Variants in HECW2 observed in about 807,000 individuals in gnomAD.
The protein encoded by HECW2 is HECT, C2 and WW domain containing E3 ubiquitin protein ligase 2, also known as E3 ubiquitin-protein ligase HECW2.
In HECW2, 61 loss-of-function variants were observed where a neutral mutation model predicts 175.2. That is an observed-to-expected ratio of 0.35 (90% CI 0.28 to 0.43). The LOEUF (loss-of-function observed/expected upper bound fraction) is 0.43, where lower values mean the gene tolerates loss of function less well. HECW2 is among the 20% of genes least tolerant of loss of function. The pLI, the probability that HECW2 is intolerant of heterozygous loss-of-function variation, is 1.00. For synonymous variants in HECW2, 671 were observed against 731.0 expected (o/e 0.92, Z 1.32); for missense variants, 1,524 against 2,000.5 (o/e 0.76, Z 4.54).
chr2:196,278,984 T>C (rs60566023), intron 14 of HECW2, among the ~76,000 whole-genome samples: 1,912 of 152,280 alleles, frequency 0.013, 38 homozygotes, highest in African/African-American at 0.043. Context: ...TCTTAACTGA[T>C]GGTCTTTGAG....
At chr2:196,492,903 T>G (rs1250640788) in intron 1 of HECW2, among the ~76,000 whole-genome samples, 1 of 152,200 alleles carries the variant, frequency 6.6e-6, no homozygotes, top group Non-Finnish European at 1.5e-5. Context: ...TTTTCAAGTT[T>G]GTGATGTTAG....
At chr2:196,207,071 C>T (rs1010188959) in intron 28 of HECW2, among the ~76,000 whole-genome samples, 11 of 152,116 alleles carry the variant, frequency 7.2e-5, no homozygotes, top group African/African-American at 1.7e-4. Context: ...GAGGGGCAAG[C>T]GCCTAAGGGA....
In HECW2 at chr2:196,215,919, T is replaced by C; in HGVS notation, c.4553A>G (p.Asn1518Ser). ...YEGFASLRGS[N>S]GPRRFCVEKW... ...CTCCACACAGAATCTTCTTGGGCCG[T>C]TACTCCCTCGGAGTGAAGCAAATCC... The change falls in exon 28 of 29, where the codon AAC becomes AGC. Residue 1518 changes from asparagine to serine, a missense_variant. By Grantham distance (46) the Asn-to-Ser change is conservative. Transcript: ENST00000644978. 1 of 1,614,072 alleles carries C rather than the reference T, an allele frequency of 6.2e-7. No homozygotes were observed. Among genetic ancestry groups the C allele is most frequent in the East Asian group, 2.2e-5 (1 of 44,876 alleles).
chr2:196,295,379 TG>T (rs1690771088), intron 13 of HECW2, among the ~76,000 whole-genome samples: 1 of 152,240 alleles, frequency 6.6e-6, no homozygotes, highest in South Asian at 2.1e-4. Flanking sequence ...GCAAGGCAAC[TG>T]TTTTCTGCAT....
chr2:196,468,238 G>T (rs372759452), intron 1 of HECW2, among the ~76,000 whole-genome samples: 1 of 152,104 alleles, frequency 6.6e-6, no homozygotes, highest in Non-Finnish European at 1.5e-5. Flanking sequence ...CAAGTGATCC[G>T]CCCGCCTTGG....
intron 1 of HECW2, among the ~76,000 whole-genome samples, chr2:196,499,726 A>AT (rs997448724): frequency 6.6e-6 from 1 of 152,186 alleles, no homozygotes; most frequent in African/African-American, 2.4e-5. Flanking sequence ...AAACGCATGC[A>AT]TTTTTTAAAA....
intron 2 of HECW2, among the ~76,000 whole-genome samples, chr2:196,351,070 T>C (rs1693153245): frequency 6.6e-6 from 1 of 152,192 alleles, no homozygotes; most frequent in Non-Finnish European, 1.5e-5. Flanking sequence ...GAGGTCAATG[T>C]TACCATTTTT....
chr2:196,296,855 C>T (rs919112658), intron 13 of HECW2, among the ~76,000 whole-genome samples: 2 of 152,220 alleles, frequency 1.3e-5, no homozygotes, highest in Admixed American at 6.5e-5. Context: ...AGAGTTTAGT[C>T]TTCATGAAGC....
At chr2:196,221,351 C>T (rs1240436158) in intron 24 of HECW2, among the ~76,000 whole-genome samples, 2 of 152,030 alleles carry the variant, frequency 1.3e-5, no homozygotes, top group African/African-American at 4.8e-5. Context: ...AGAACTTTTT[C>T]AAAACACATG....
chr2:196,345,053 A>G (rs16850011), intron 2 of HECW2, among the ~76,000 whole-genome samples: 10,862 of 152,270 alleles, frequency 0.071, 555 homozygotes, highest in African/African-American at 0.14. Context: ...TGAGCACATT[A>G]TAAGTCAAAG....
intron 1 of HECW2, among the ~76,000 whole-genome samples, chr2:196,449,974 T>C (rs372966408): frequency 3.3e-5 from 5 of 152,348 alleles, no homozygotes; most frequent in African/African-American, 1.2e-4. Flanking sequence ...CCTCTTCTTA[T>C]ATGCATTTTC....
At position 196,422,205 on chromosome 2, in the gene HECW2, A is replaced by G. The variant is rs550834761; in HGVS notation, c.292+10927T>C. On this transcript the variant is annotated intron_variant, in intron 2 of 28. Transcript: ENST00000644978. Reference sequence around the variant, plus strand: ...CCATACAAGGATGCCTTAAGCTTTGAAACAGACTGGAGGACCAGACACATT... The same window carrying G: ...CCATACAAGGATGCCTTAAGCTTTGGAACAGACTGGAGGACCAGACACATT... Among the ~76,000 whole-genome samples, 10 of 152,252 alleles carry G rather than the reference A, an allele frequency of 6.6e-5. 1 individual carries two copies. The South Asian group carries it at 2.1e-3, about 32-fold the overall frequency.
intron 1 of HECW2, among the ~76,000 whole-genome samples, chr2:196,476,176 G>A (rs200919126): frequency 6.6e-6 from 1 of 152,014 alleles, no homozygotes; most frequent in Non-Finnish European, 1.5e-5. Flanking sequence ...GGGAGCAGTG[G>A]CTCATGCCTG....
rs554618599 is a variant in HECW2, at chr2:196,420,633, T to C, written c.292+12499A>G. ...AGGATTTGAAGTTAAATTGTAAACT[T>C]CACCTGTGTGCTTCCATTTATTTTA... On this transcript the variant is annotated intron_variant, in intron 2 of 28. Transcript: ENST00000644978. Among the ~76,000 whole-genome samples the C allele has an allele frequency of 1.8e-4, 28 of 152,352 alleles. 1 individual carries two copies. In the South Asian group the frequency reaches 5.6e-3, roughly 30 times the overall value.
At chr2:196,400,143 T>A (rs563974068) in intron 2 of HECW2, among the ~76,000 whole-genome samples, 50 of 152,318 alleles carry the variant, frequency 3.3e-4, no homozygotes, top group African/African-American at 1.1e-3. Flanking sequence ...AAGAATCAAA[T>A]CTCAAATTTT....
At chr2:196,360,698 GA>G (rs1212675614) in intron 2 of HECW2, among the ~76,000 whole-genome samples, 1 of 151,200 alleles carries the variant, frequency 6.6e-6, no homozygotes, top group Non-Finnish European at 1.5e-5. Context: ...CCTAAAATAG[GA>G]AAAAAAACAG....
At chr2:196,290,913 A>G (rs1690579631) in intron 14 of HECW2, 1 of 152,128 alleles carries the variant, frequency 6.6e-6, no homozygotes, top group African/African-American at 2.4e-5. Flanking sequence ...CATCTCTCCT[A>G]AACTTCATGC....
chr2:196,269,485 C>A (rs796922020), intron 17 of HECW2: 6 of 116,518 alleles, frequency 5.1e-5, no homozygotes, highest in African/African-American at 2.2e-4. Context: ...GACTCCGTCT[C>A]CCCCTACCTC....
intron 2 of HECW2, among the ~76,000 whole-genome samples, chr2:196,346,089 G>A (rs1215831094): frequency 1.3e-5 from 2 of 152,190 alleles, no homozygotes; most frequent in Non-Finnish European, 2.9e-5. Flanking sequence ...CAGAAAAGAT[G>A]AGGCAGTATC....
Sources: allele counts gnomAD v4.1 joint callset (sites outside exome capture counted in the v4.1 genomes callset), GRCh38; gene constraint gnomAD v4.1.1; transcripts MANE v1.5; gene names NCBI Gene and HGNC (gene_info 2026-07-23, HGNC 2026-07-21).